DLGAP2: variants seen among roughly 807,000 people sequenced by gnomAD.
DLGAP2 encodes disks large-associated protein 2.
DLGAP2 carries 26 observed loss-of-function variants against 100.3 expected under a neutral mutation model. The observed-to-expected ratio is 0.26, with a 90% confidence interval of 0.19 to 0.36. The LOEUF (loss-of-function observed/expected upper bound fraction) is 0.36. DLGAP2 is among the 10% of genes least tolerant of loss of function. The pLI is 1.00. For synonymous variants in DLGAP2, 886 were observed against 630.1 expected, an observed-to-expected ratio of 1.41 and a Z score of -6.08; for missense variants, 1,858 against 1,453.2, an observed-to-expected ratio of 1.28 and a Z score of -4.53.
intron 3 of DLGAP2, among the ~76,000 whole-genome samples, chr8:1,277,804 T>C (rs1799734729): frequency 6.6e-6 from 1 of 152,094 alleles, no homozygotes. Context: ...TCTCCGCACG[T>C]TTCTCTAAGG....
intron 3 of DLGAP2, among the ~76,000 whole-genome samples, chr8:1,337,989 C>A (rs1308908535): frequency 6.6e-6 from 1 of 152,208 alleles, no homozygotes; most frequent in Non-Finnish European, 1.5e-5. Flanking sequence ...AGATGAGATG[C>A]AATTGCATTC....
intron 1 of DLGAP2, among the ~76,000 whole-genome samples, chr8:842,786 A>G (rs1282335553): frequency 1.3e-5 from 2 of 151,752 alleles, no homozygotes; most frequent in Non-Finnish European, 2.9e-5. Flanking sequence ...GTGATTATTC[A>G]TTCTTGTTTC....
At chr8:990,271 G>A (rs1380905282) in intron 2 of DLGAP2, among the ~76,000 whole-genome samples, 1 of 151,842 alleles carries the variant, frequency 6.6e-6, no homozygotes, top group East Asian at 1.9e-4. Context: ...TGCGCTGCAT[G>A]GGAATCGACC....
At chr8:1,173,172 G>T (rs1043605517) in intron 2 of DLGAP2, among the ~76,000 whole-genome samples, 3 of 152,146 alleles carry the variant, frequency 2.0e-5, no homozygotes, top group Non-Finnish European at 2.9e-5. Context: ...CCTGGGTATC[G>T]GCAGCGGTGT....
chr8:1,093,550 C>T (rs563336635), intron 2 of DLGAP2, among the ~76,000 whole-genome samples: 5 of 151,890 alleles, frequency 3.3e-5, no homozygotes, highest in African/African-American at 1.2e-4. Context: ...AACAGCCAGA[C>T]AGAAACACCC....
At chr8:1,530,792 C>G (rs954845628) in intron 4 of DLGAP2, among the ~76,000 whole-genome samples, 12 of 152,222 alleles carry the variant, frequency 7.9e-5, no homozygotes, top group Non-Finnish European at 1.5e-4. Context: ...AACAGACACT[C>G]AAATTGTTGT....
chr8:1,571,689 C>A (rs1367397184), intron 6 of DLGAP2, among the ~76,000 whole-genome samples: 25 of 79,152 alleles, frequency 3.2e-4, no homozygotes, highest in Admixed American at 8.3e-4. Context: ...GGGGCATCTT[C>A]TGGGATGGAG....
At chr8:1,499,709 C>T (rs1306513481) in intron 3 of DLGAP2, among the ~76,000 whole-genome samples, 1 of 152,194 alleles carries the variant, frequency 6.6e-6, no homozygotes, top group Non-Finnish European at 1.5e-5. Context: ...ATTTCTTATA[C>T]ATGTGTGTTT....
At chr8:1,224,511 A>G (rs375874723) in intron 2 of DLGAP2, among the ~76,000 whole-genome samples, 5 of 152,324 alleles carry the variant, frequency 3.3e-5, no homozygotes, top group African/African-American at 1.2e-4. Flanking sequence ...GTAGACCAGA[A>G]ATTAATAAAA....
intron 3 of DLGAP2, among the ~76,000 whole-genome samples, chr8:1,358,784 G>T (rs932982200): frequency 3.3e-5 from 5 of 152,094 alleles, no homozygotes; most frequent in African/African-American, 1.2e-4. Flanking sequence ...GCGGGGCTGG[G>T]CGGCCTGGAA....
At chr8:1,369,866 C>G (rs148847433) in intron 3 of DLGAP2, 5 of 152,388 alleles carry the variant, frequency 3.3e-5, no homozygotes, top group African/African-American at 4.8e-5. Flanking sequence ...GCGCAAGGCA[C>G]AAGCCTGGCG....
intron 3 of DLGAP2, among the ~76,000 whole-genome samples, chr8:1,290,906 A>C (rs1227433197): frequency 6.6e-6 from 1 of 152,212 alleles, no homozygotes; most frequent in Non-Finnish European, 1.5e-5. Context: ...AACTATTTTT[A>C]GTGTACCGTT....
intron 4 of DLGAP2, among the ~76,000 whole-genome samples, chr8:1,520,572 C>T (rs1307519669): frequency 6.6e-6 from 1 of 152,148 alleles, no homozygotes; most frequent in African/African-American, 2.4e-5. Context: ...AAAAATCCTG[C>T]GTGCTCCCCC....
chr8:1,274,583 A>G (rs1799645265), intron 3 of DLGAP2, among the ~76,000 whole-genome samples: 1 of 150,540 alleles, frequency 6.6e-6, no homozygotes, highest in South Asian at 2.1e-4. Flanking sequence ...GTGACTTTGG[A>G]TTTGTTTTAG....
intron 1 of DLGAP2, among the ~76,000 whole-genome samples, chr8:844,010 A>G (rs939018234): frequency 2.0e-5 from 3 of 152,222 alleles, no homozygotes; most frequent in Non-Finnish European, 4.4e-5. Flanking sequence ...TATTTTGTAA[A>G]TGACTTTTGA....
At chr8:1,141,202 A>T (rs7822337) in intron 2 of DLGAP2, among the ~76,000 whole-genome samples, 2 of 151,926 alleles carry the variant, frequency 1.3e-5, no homozygotes, top group African/African-American at 4.8e-5. Flanking sequence ...TCCAAAGCAG[A>T]TGTGGGAGTG....
At chr8:1,303,363 C>G (rs1428741220) in intron 3 of DLGAP2, among the ~76,000 whole-genome samples, 1 of 148,460 alleles carries the variant, frequency 6.7e-6, no homozygotes, top group Non-Finnish European at 1.5e-5. Flanking sequence ...CGCCACCGCA[C>G]TCCAGCCTGG....
intron 1 of DLGAP2, among the ~76,000 whole-genome samples, chr8:837,310 A>G (rs1010221922): frequency 1.3e-5 from 2 of 152,340 alleles, no homozygotes; most frequent in East Asian, 1.9e-4. Flanking sequence ...CACCTTGTGG[A>G]TAAGGAGTGT....
intron 6 of DLGAP2, among the ~76,000 whole-genome samples, chr8:1,600,764 G>T (rs1244998344): frequency 6.6e-6 from 1 of 152,098 alleles, no homozygotes; most frequent in African/African-American, 2.4e-5. Context: ...ATTCTAGTTA[G>T]CAATTCCTGT....
Sources: allele counts gnomAD v4.1 joint callset (sites outside exome capture counted in the v4.1 genomes callset), GRCh38; gene constraint gnomAD v4.1.1; transcripts MANE v1.5; gene names NCBI Gene and HGNC (gene_info 2026-07-23, HGNC 2026-07-21).